MLXIPL: variants seen among roughly 807,000 people sequenced by gnomAD.
MLXIPL encodes the protein carbohydrate-responsive element-binding protein.
Under a neutral mutation model 81.5 loss-of-function variants are expected in MLXIPL, and 49 were observed. The observed-to-expected ratio is 0.60, with a 90% CI of 0.48 to 0.76. MLXIPL has a LOEUF of 0.76. Ranked by LOEUF, MLXIPL falls within the 30% of genes least tolerant of loss-of-function variation. The pLI, the probability that MLXIPL is intolerant of heterozygous loss-of-function variation, is 0.00. For missense variants in MLXIPL, 1,053 were observed against 1,167.0 expected (o/e 0.90, Z 1.42); for synonymous variants, 466 against 485.5 (o/e 0.96, Z 0.53).
chr7:73,626,800 T>C (rs6967028), upstream of MLXIPL, among the ~76,000 whole-genome samples: 17,248 of 152,212 alleles, frequency 0.11, 1,289 homozygotes, highest in African/African-American at 0.21. Context: ...TGCTAAGCTC[T>C]GCTGGCTTTC....
At position 73,596,902 on chromosome 7, in the gene MLXIPL, A is replaced by C. The variant is rs782465566; in HGVS notation, c.1634T>G (p.Leu545Arg). Residue 545 changes from leucine (L) to arginine (R), a missense_variant, in exon 10 of 17, where the codon CTT becomes CGT. By Grantham distance (102) the Leu-to-Arg change is moderately radical. This residue lies in a region of MLXIPL where 823 missense variants were observed against 933.0 expected (regional missense o/e 0.88). Coordinates refer to ENST00000313375, the MANE Select transcript of MLXIPL (RefSeq NM_032951.3). This position sits in a 1 kb window ranked among gnomAD's most constrained non-coding sequence, Gnocchi z 4.7. ...GGACCGGAGGAGGGTGCTGGATACA[A>C]GTGGTGGCTCCAGGGCTTGCTCCGG... ...AKPEQALEPP[L>R]VSSTLLRSPG... The C allele has an allele frequency of 6.2e-7, 1 of 1,610,984 alleles. No homozygotes were observed. Among genetic ancestry groups the C allele is most frequent in the East Asian group, 2.2e-5 (1 of 44,844 alleles).
intron 1 of MLXIPL, among the ~76,000 whole-genome samples, chr7:73,621,981 A>C (rs1299133542): frequency 9.1e-3 from 219 of 24,004 alleles, no homozygotes; most frequent in Admixed American, 0.014. Flanking sequence ...CCCTCCTTCC[A>C]TCTCCCTCCC....
rs781824128 is a variant in MLXIPL at position 73,596,740 on chromosome 7, G to A, written c.1721C>T (p.Ala574Val). 1.3e-6 allele frequency: 2 copies of A among 1,595,736 alleles called. No individual in the cohort carries two copies. The highest frequency in any genetic ancestry group is 4.5e-5 in the East Asian group (2 of 44,380). Residue 574 changes from alanine (A) to valine (V), a missense_variant, in exon 11 of 17, where the codon GCC becomes GTC. By Grantham distance (64) the Ala-to-Val change is moderately conservative. Coordinates refer to ENST00000313375, the MANE Select transcript of MLXIPL (RefSeq NM_032951.3). This position sits in a 1 kb window ranked among gnomAD's most constrained non-coding sequence, Gnocchi z 4.7. ...FPCTFLPPTP[A>V]PTPPRPPPGP... ...TGGAGGTGGCCGGGGCGGTGTAGGGGCCGGGGTCGGGGGAAGGAATGTGCA... is the reference window on the plus strand; with the variant it reads ...TGGAGGTGGCCGGGGCGGTGTAGGGACCGGGGTCGGGGGAAGGAATGTGCA...
In MLXIPL at chr7:73,597,627, G is replaced by A. The variant is rs782257255; in HGVS notation, c.1158C>T (p.Leu386=). 1.1e-6 allele frequency: 1 copy of A among 918,356 alleles called. No individual in the cohort carries two copies. The highest frequency in any genetic ancestry group is 1.4e-6 in the Non-Finnish European group (1 of 712,494). 56.9% of individuals were successfully genotyped at this position (918,356 alleles called of 1,614,324 possible). A position where few individuals can be genotyped will look rare whatever the true frequency, so the allele number is the denominator to read the frequency against. ...GAGGTGGGGGTACAGGAGGGGGTGG[G>A]AGCCGGGGCTTGGGGTCTTCAGGAA... ...FLLPEDPKPR[L]PPPPVPPPLL... The change falls in exon 9 of 17, where the codon CTC becomes CTT. Residue 386 remains leucine, a synonymous_variant. Transcript: ENST00000313375.
chr7:73,641,449 C>T, the MLXIPL span, among the ~76,000 whole-genome samples: 1 of 152,092 alleles, frequency 6.6e-6, no homozygotes, highest in African/African-American at 2.4e-5. Context: ...AGCATCATAG[C>T]AGTGCAGGGC....
rs1554598054 is a variant in MLXIPL, at chr7:73,606,108, C to T, written c.622G>A (p.Glu208Lys). ...TGCTCCGGCGGCGGCCACCTGCCTT[C>T]CGCCTAGGGAGACAGAGCCGTCAGC... ...EDDLLAPKQA[E>K]GRWPPPEQWC... The change falls in exon 6 of 17, where the codon GAA (glutamate) becomes AAA (lysine). Residue 208 changes from glutamate (E) to lysine (K), a missense_variant. This residue lies in a region of MLXIPL where 823 missense variants were observed against 933.0 expected (regional missense o/e 0.88). Transcript: ENST00000313375. 2.5e-6 allele frequency: 4 copies of T among 1,574,220 alleles called. No individual in the cohort carries two copies. Among genetic ancestry groups the T allele is most frequent in the Non-Finnish European group, 3.4e-6 (4 of 1,160,048 alleles).
the MLXIPL span, among the ~76,000 whole-genome samples, chr7:73,638,060 G>A: frequency 6.6e-6 from 1 of 152,036 alleles, no homozygotes; most frequent in Non-Finnish European, 1.5e-5. Flanking sequence ...CCATGGCCAG[G>A]GTCTGGTCTT....
rs1554592712 is a variant in MLXIPL at position 73,593,884 on chromosome 7, G to T, written c.2540C>A (p.Thr847Asn). 1.9e-6 allele frequency: 3 copies of T among 1,614,084 alleles called. No individual in the cohort carries two copies. Among genetic ancestry groups the T allele is most frequent in the Non-Finnish European group, 2.5e-6 (3 of 1,179,972 alleles). Residue 847 changes from threonine (T) to asparagine (N), a missense_variant, in exon 17 of 17, where the codon ACC becomes AAC. Coordinates refer to ENST00000313375, the MANE Select transcript of MLXIPL (RefSeq NM_032951.3). Reference protein sequence around the residue: ...EQATRAVTEGTLGKPL With the variant: ...EQATRAVTEGNLGKPL Reference sequence around the variant, plus strand: ...CCAGGACTATAAAGGTTTGCCAAGGGTGCCCTCTGTGACTGCCCGTGTGGC... The same window carrying T: ...CCAGGACTATAAAGGTTTGCCAAGGTTGCCCTCTGTGACTGCCCGTGTGGC...
Position 73,593,572 on chromosome 7 carries a change from T to C in MLXIPL, c.*293A>G, listed in dbSNP as rs1794019176. 2.6e-5 allele frequency: 10 copies of C among 391,490 alleles called. No homozygotes were observed. In the Admixed American group the frequency reaches 3.3e-4, roughly 13 times the overall value. 24.3% of individuals were successfully genotyped at this position (391,490 alleles called of 1,614,324 possible). ...CCAAGGCCTGGGGGTCATCTGCTGA[T>C]TGAACCTTCCCCATCCCCATTTTGC... On this transcript the variant is annotated 3_prime_UTR_variant, in exon 17 of 17. Coordinates refer to ENST00000313375, the MANE Select transcript of MLXIPL (RefSeq NM_032951.3).
At chr7:73,617,602 T>G (rs1451403328) in intron 1 of MLXIPL, among the ~76,000 whole-genome samples, 1 of 151,616 alleles carries the variant, frequency 6.6e-6, no homozygotes, top group African/African-American at 2.4e-5. Flanking sequence ...CCCAACACTT[T>G]GGGAGGCCAA....
the MLXIPL span, among the ~76,000 whole-genome samples, chr7:73,640,167 G>C: frequency 7.2e-5 from 11 of 151,866 alleles, no homozygotes; most frequent in African/African-American, 2.2e-4. Flanking sequence ...CACTTTGGGA[G>C]GTGGAGGCAG....
chr7:73,595,539 G>A (rs1794206311), intron 15 of MLXIPL, 98 bp downstream of exon 15: 2 of 1,609,630 alleles, frequency 1.2e-6, no homozygotes, highest in Non-Finnish European at 1.7e-6. Context: ...CTCTGAGCCT[G>A]CCCGGCCTGG....
intron 1 of MLXIPL, among the ~76,000 whole-genome samples, chr7:73,619,475 A>G (rs1796198133): frequency 6.6e-6 from 1 of 150,450 alleles, no homozygotes; most frequent in Non-Finnish European, 1.5e-5. Flanking sequence ...AAAAAAAAAA[A>G]AAAGTTAGCT....
chr7:73,629,530 C>T (rs1169644767), upstream of MLXIPL, among the ~76,000 whole-genome samples: 2 of 151,996 alleles, frequency 1.3e-5, no homozygotes, highest in African/African-American at 4.8e-5. Context: ...CCCAGGGGTT[C>T]GAGACAAGCC....
intron 2 of MLXIPL, chr7:73,610,682 C>A (rs1220035976): frequency 6.6e-6 from 1 of 152,158 alleles, no homozygotes; most frequent in African/African-American, 2.4e-5. Flanking sequence ...GCCATGTTGC[C>A]CAGGCTGGTC....
At chr7:73,630,951 C>T in the MLXIPL span, among the ~76,000 whole-genome samples, 24 of 152,212 alleles carry the variant, frequency 1.6e-4, no homozygotes, top group Admixed American at 1.2e-3. Flanking sequence ...GGAGATGCCC[C>T]GGATGCCTAT....
At chr7:73,594,845 A>C in intron 15 of MLXIPL, among the ~76,000 whole-genome samples, 2 of 83,798 alleles carry the variant, frequency 2.4e-5, no homozygotes, top group Middle Eastern at 0.01. Context: ...CTGTGCTCGG[A>C]CTTTTTTTTT....
In MLXIPL at chr7:73,594,412, A is replaced by C. The variant is rs1584062871; in HGVS notation, c.2311-9T>G. 1 of 1,600,746 alleles carries C rather than the reference A, an allele frequency of 6.2e-7. No homozygotes were observed. Among genetic ancestry groups the C allele is most frequent in the Non-Finnish European group, 8.5e-7 (1 of 1,179,964 alleles). On this transcript the variant is annotated splice_polypyrimidine_tract_variant and intron_variant, in intron 15 of 16. Transcript: ENST00000313375. ...CGGATGAGGATGCTGAACTGGGCCC[A>C]GGTCAAGGAGCTGCCTGTGGTCCAG...
chr7:73,626,189 A>G (rs1432022161), upstream of MLXIPL, among the ~76,000 whole-genome samples: 1 of 152,118 alleles, frequency 6.6e-6, no homozygotes, highest in Non-Finnish European at 1.5e-5. Flanking sequence ...TTTTTAGTAG[A>G]GACGAGGTTT....
Sources: gnomAD v4.1 joint callset for allele counts (sites outside exome capture counted in the v4.1 genomes callset) on GRCh38, gnomAD v4.1.1 for gene constraint, gnomAD v4.1.1 regional missense constraint, Gnocchi (gnomAD v3.1) non-coding constraint, MANE v1.5 for transcripts, NCBI Gene and HGNC (gene_info 2026-07-23, HGNC 2026-07-21) for gene names.